PLXNA2: variants seen among roughly 807,000 people sequenced by gnomAD.
PLXNA2 encodes the protein plexin-A2.
Under a neutral mutation model 193.5 loss-of-function variants are expected in PLXNA2, and 91 were observed. The ratio of observed to expected loss-of-function variants is 0.47; its 90% CI spans 0.40 to 0.56. PLXNA2 has a LOEUF of 0.56. PLXNA2 is among the 20% of genes least tolerant of loss of function. The pLI is 0.00. For missense variants in PLXNA2, 1,995 were observed against 2,503.2 expected, an observed-to-expected ratio of 0.80 and a Z score of 4.33; for synonymous variants, 997 against 1,027.3, an observed-to-expected ratio of 0.97 and a Z score of 0.56.
Position 208,039,645 on chromosome 1 carries a change from C to T in PLXNA2, c.4476G>A (p.Arg1492=), listed in dbSNP as rs1305314708. Residue 1492 remains arginine (R), a synonymous_variant, in exon 24 of 32, where the codon CGG becomes CGA. Coordinates refer to ENST00000367033, the MANE Select transcript of PLXNA2 (RefSeq NM_025179.4). The part of the protein sequence containing the change: ...RYSLSEDKLI[R]QQIEYKTLIL... Reference sequence around the variant, plus strand: ...CCAGGGTCTTGTACTCGATCTGCTGCCGGATGAGCTTGTCCTCGCTCAGGG... The same window carrying T: ...CCAGGGTCTTGTACTCGATCTGCTGTCGGATGAGCTTGTCCTCGCTCAGGG... The T allele has an allele frequency of 1.2e-6, 2 of 1,614,086 alleles. No individual in the cohort carries two copies. Among genetic ancestry groups the T allele is most frequent in the South Asian group, 2.2e-5 (2 of 91,084 alleles).
At chr1:208,131,018 G>T (rs1022891993) in intron 4 of PLXNA2, among the ~76,000 whole-genome samples, 5 of 152,170 alleles carry the variant, frequency 3.3e-5, no homozygotes, top group Non-Finnish European at 7.3e-5. Flanking sequence ...AGATGTCCCT[G>T]GATAAAAGGC....
intron 4 of PLXNA2, among the ~76,000 whole-genome samples, chr1:208,140,005 T>G (rs1428919721): frequency 6.6e-6 from 1 of 152,180 alleles, no homozygotes; most frequent in Admixed American, 6.5e-5. Context: ...CTCCCCCTAC[T>G]AATATTTCAC....
At chr1:208,092,699 G>T in intron 9 of PLXNA2, 87 bp downstream of exon 9, 1 of 859,198 alleles carries the variant, frequency 1.2e-6, no homozygotes, top group Non-Finnish European at 1.8e-6. Flanking sequence ...CAAGAAAATG[G>T]CCAAGCCATT....
Position 208,079,297 on chromosome 1 carries a change from C to G in PLXNA2, c.2549G>C (p.Ser850Thr). ...AGGGTTGGAGCACTTGACATTGTGG[C>G]TGGACCAGTCGAGCCAGGGGCTGGA... ...SPSSPWLDWS[S>T]HNVKCSNPQI... The change falls in exon 12 of 32, where the codon AGC becomes ACC. Residue 850 changes from serine (S) to threonine (T), a missense_variant. Around this residue, in one of 3 missense-constraint regions of PLXNA2, gnomAD observed 1,291 missense variants for 1,673.6 expected, o/e 0.77. Coordinates refer to ENST00000367033, the MANE Select transcript of PLXNA2 (RefSeq NM_025179.4). 1 of 1,612,562 alleles carries G rather than the reference C, an allele frequency of 6.2e-7. No individual in the cohort carries two copies. Among genetic ancestry groups the G allele is most frequent in the Non-Finnish European group, 8.5e-7 (1 of 1,178,680 alleles).
intron 3 of PLXNA2, among the ~76,000 whole-genome samples, chr1:208,182,844 T>A (rs1408593646): frequency 6.6e-6 from 1 of 151,960 alleles, no homozygotes; most frequent in Non-Finnish European, 1.5e-5. Flanking sequence ...GGCTGCTGAG[T>A]GACCCGGTGA....
intron 4 of PLXNA2, among the ~76,000 whole-genome samples, chr1:208,135,157 T>C (rs1668265528): frequency 2.0e-5 from 3 of 151,340 alleles, no homozygotes; most frequent in Non-Finnish European, 4.4e-5. Context: ...GAGAATTTCT[T>C]AGGGGGTGGT....
chr1:208,150,342 T>G (rs1464281280), intron 3 of PLXNA2, among the ~76,000 whole-genome samples: 1 of 152,098 alleles, frequency 6.6e-6, no homozygotes, highest in Non-Finnish European at 1.5e-5. Context: ...CCCTAGATAT[T>G]CAACTAGGGG....
chr1:208,121,758 C>A (rs529039348), intron 4 of PLXNA2, among the ~76,000 whole-genome samples: 1 of 152,078 alleles, frequency 6.6e-6, no homozygotes, highest in South Asian at 2.1e-4. Flanking sequence ...AATGGTAGCC[C>A]CTGACACACA....
intron 7 of PLXNA2, 118 bp downstream of exon 7, chr1:208,096,612 G>T: frequency 1.6e-6 from 2 of 1,221,466 alleles, no homozygotes; most frequent in Non-Finnish European, 2.3e-6. Context: ...TAAACAAGTT[G>T]TCTAAGCCAA....
chr1:208,027,893 C>T, intron 31 of PLXNA2, 116 bp downstream of exon 31: 1 of 944,306 alleles, frequency 1.1e-6, no homozygotes, highest in African/African-American at 1.7e-5. Context: ...AATTTTCGAG[C>T]TCATGGGCTT....
At chr1:208,194,576 T>C (rs1327930405) in intron 3 of PLXNA2, among the ~76,000 whole-genome samples, 1 of 151,720 alleles carries the variant, frequency 6.6e-6, no homozygotes, top group African/African-American at 2.4e-5. Flanking sequence ...TTCATCTACA[T>C]GTCTCCATTT....
At chr1:208,045,857 C>A (rs1665045151) in intron 18 of PLXNA2, 21 bp downstream of exon 18, 1 of 1,613,210 alleles carries the variant, frequency 6.2e-7, no homozygotes. Flanking sequence ...GGTGGCACTG[C>A]CCTCTGGCGG....
chr1:208,198,020 G>C (rs549319693), intron 3 of PLXNA2, among the ~76,000 whole-genome samples: 20 of 152,298 alleles, frequency 1.3e-4, no homozygotes, highest in African/African-American at 4.8e-4. Context: ...TCAAGAAAAA[G>C]ACACGCCACA....
chr1:208,209,276 T>C (rs75321150), intron 3 of PLXNA2, among the ~76,000 whole-genome samples: 48 of 152,300 alleles, frequency 3.2e-4, no homozygotes, highest in African/African-American at 1.1e-3. Flanking sequence ...AAATTCTTCC[T>C]TGGGCTCACT....
chr1:208,177,736 T>TC (rs1198198653), intron 3 of PLXNA2, among the ~76,000 whole-genome samples: 3 of 152,342 alleles, frequency 2.0e-5, no homozygotes, highest in Admixed American at 2.0e-4. Context: ...TCAACCGTGG[T>TC]CCCCAGAGCA....
At chr1:208,124,600 A>G (rs1222186990) in intron 4 of PLXNA2, among the ~76,000 whole-genome samples, 2 of 147,656 alleles carry the variant, frequency 1.4e-5, no homozygotes, top group Admixed American at 1.4e-4. Flanking sequence ...AATCCCTTGA[A>G]CCCGGTAGGC....
chr1:208,183,985 T>C (rs541998884), intron 3 of PLXNA2, among the ~76,000 whole-genome samples: 1 of 152,350 alleles, frequency 6.6e-6, no homozygotes, highest in South Asian at 2.1e-4. Flanking sequence ...GGCACACTAA[T>C]ATATGTCAAT....
At chr1:208,045,353 G>T (rs1300329456) in intron 18 of PLXNA2, 143 bp from the exon 19 acceptor site, 2 of 714,190 alleles carry the variant, frequency 2.8e-6, no homozygotes, top group Non-Finnish European at 4.7e-6. Flanking sequence ...TTTGTGGAGG[G>T]GACTTCTAAC....
chr1:208,077,664 C>T (rs1264875982), intron 12 of PLXNA2, among the ~76,000 whole-genome samples: 9 of 152,276 alleles, frequency 5.9e-5, no homozygotes, highest in South Asian at 4.1e-4. Context: ...GGGGAAGGCA[C>T]GGAGCCCTGA....
Sources: allele counts gnomAD v4.1 joint callset (sites outside exome capture counted in the v4.1 genomes callset), GRCh38; gene constraint gnomAD v4.1.1; regional missense constraint gnomAD v4.1.1; transcripts MANE v1.5; gene names NCBI Gene and HGNC (gene_info 2026-07-23, HGNC 2026-07-21).